Variants in RNASEH2A observed in about 807,000 individuals in gnomAD.
RNASEH2A encodes RNase H(35).
Under a neutral mutation model 32.7 loss-of-function variants are expected in RNASEH2A, and 30 were observed. The ratio of observed to expected loss-of-function variants is 0.92; its 90% CI spans 0.69 to 1.25. The LOEUF is 1.25. Ranked by LOEUF, RNASEH2A falls within the 50% of genes most tolerant of loss-of-function variation. The pLI, the probability that RNASEH2A is intolerant of heterozygous loss-of-function variation, is 0.00. For synonymous variants in RNASEH2A, 147 were observed against 165.4 expected, an observed-to-expected ratio of 0.89 and a Z score of 0.86; for missense variants, 409 against 398.1, an observed-to-expected ratio of 1.03 and a Z score of -0.23.
chr19:12,813,124 G>A lies in RNASEH2A; in HGVS notation c.679G>A (p.Val227Met). Residue 227 changes from valine (V) to methionine (M), a missense_variant, in exon 7 of 8, where the codon GTG (valine) becomes ATG (methionine). By Grantham distance (21) the Val-to-Met change is conservative. Coordinates refer to ENST00000221486, the MANE Select transcript of RNASEH2A (RefSeq NM_006397.3). ...KAWLKEHVEP[V>M]FGFPQFVRFS... ...GTGGTTGAAGGAGCACGTGGAGCCT[G>A]TGTTCGGCTTCCCCCAGTTTGTCCG... The A allele has an allele frequency of 6.2e-7, 1 of 1,614,136 alleles. No homozygotes were observed. Among genetic ancestry groups the A allele is most frequent in the Non-Finnish European group, 8.5e-7 (1 of 1,180,028 alleles).
In RNASEH2A at chr19:12,807,335, G is replaced by T. The variant is rs747327004; in HGVS notation, c.323+6G>T. ...TCTACCAGCATGCTTGGGCGGTGAG[G>T]GGTCCCCGGGAGGGGCAGCCAGCAT... On this transcript the variant is annotated splice_donor_region_variant and intron_variant, in intron 3 of 7. Coordinates refer to ENST00000221486, the MANE Select transcript of RNASEH2A (RefSeq NM_006397.3). 6.2e-7 allele frequency: 1 copy of T among 1,614,150 alleles called. No individual in the cohort carries two copies. Among genetic ancestry groups the T allele is most frequent in the Non-Finnish European group, 8.5e-7 (1 of 1,180,022 alleles).
intron 4 of RNASEH2A, among the ~76,000 whole-genome samples, chr19:12,808,287 T>G (rs1969025928): frequency 6.6e-6 from 1 of 151,708 alleles, no homozygotes; most frequent in Non-Finnish European, 1.5e-5. Flanking sequence ...GGCAAAAATG[T>G]GCAGTGTGCA....
Position 12,807,454 on chromosome 19 carries a change from C to T in RNASEH2A, c.359C>T (p.Thr120Ile), listed in dbSNP as rs1288755006. Residue 120 changes from threonine to isoleucine, a missense_variant, in exon 4 of 8, where the codon ACA becomes ATA. Transcript: ENST00000221486. ...AACCTGAACTCCCTGTCACATGATA[C>T]AGCCACTGGGCTTATACAGTATGCA... The part of the protein sequence containing the change: ...KYNLNSLSHD[T>I]ATGLIQYALD... 3 of 1,614,092 alleles carry T rather than the reference C, an allele frequency of 1.9e-6. No homozygotes were observed. In the African/African-American group the frequency reaches 4.0e-5, roughly 22 times the overall value.
rs1969013336 is a variant in RNASEH2A, at chr19:12,807,586, G to A, written c.411+80G>A. On this transcript the variant is annotated intron_variant, in intron 4 of 7. Coordinates refer to ENST00000221486, the MANE Select transcript of RNASEH2A (RefSeq NM_006397.3). ...AAACAGGAGTTCGAGACTGCAGTGA[G>A]CCATGATCATGCCACAGCACTCCAT... 5.1e-6 allele frequency: 6 copies of A among 1,172,414 alleles called. No individual in the cohort carries two copies. The South Asian group carries it at 7.5e-5, about 15-fold the overall frequency. 72.6% of individuals were successfully genotyped at this position (1,172,414 alleles called of 1,614,324 possible). A position where few individuals can be genotyped will look rare whatever the true frequency, so the allele number is the denominator to read the frequency against.
chr19:12,809,262 AAAAAT>A (rs1335120791), intron 4 of RNASEH2A, among the ~76,000 whole-genome samples: 1 of 152,240 alleles, frequency 6.6e-6, no homozygotes, highest in Non-Finnish European at 1.5e-5. Flanking sequence ...CTGGTAAACA[AAAAAT>A]AAAGGTTGTT....
In RNASEH2A at chr19:12,806,988, C is replaced by T. The variant is rs1315500297; in HGVS notation, c.128-20C>T. 16 of 1,612,848 alleles carry T rather than the reference C, an allele frequency of 9.9e-6. No individual in the cohort carries two copies. Among genetic ancestry groups the T allele is most frequent in the Non-Finnish European group, 1.4e-5 (16 of 1,179,900 alleles). On this transcript the variant is annotated intron_variant, in intron 1 of 7. Coordinates refer to ENST00000221486, the MANE Select transcript of RNASEH2A (RefSeq NM_006397.3). ...TGATTGGACCCCGGCTGCCAGAAAA[C>T]TGACACCCCTTCTCCCCAGGCCCCA...
chr19:12,813,401 G>A lies in RNASEH2A; in HGVS notation c.835G>A (p.Ala279Thr), dbSNP rs1323317115. Residue 279 changes from alanine to threonine, a missense_variant, in exon 8 of 8, where the codon GCC (alanine) becomes ACC (threonine). By Grantham distance (58) the Ala-to-Thr change is moderately conservative (BLOSUM62 0). Transcript: ENST00000221486. ...CTACTTCCTCAATGAAGGGTCCCAAGCCCGTCCCCGTTCTTCCCACCGATA... is the reference window on the plus strand; with the variant it reads ...CTACTTCCTCAATGAAGGGTCCCAAACCCGTCCCCGTTCTTCCCACCGATA... Reference protein sequence around the residue: ...TSYFLNEGSQARPRSSHRYFL... With the variant: ...TSYFLNEGSQTRPRSSHRYFL... The A allele has an allele frequency of 2.5e-6, 4 of 1,614,002 alleles. No homozygotes were observed. The highest frequency in any genetic ancestry group is 1.3e-5 in the African/African-American group (1 of 74,922).
intron 2 of RNASEH2A, 52 bp downstream of exon 2, chr19:12,807,131 C>T (rs771416321): frequency 6.2e-7 from 1 of 1,614,054 alleles, no homozygotes; most frequent in Non-Finnish European, 8.5e-7. Flanking sequence ...TGTGCAGGGG[C>T]AGGTGAGAAC....
Position 12,806,653 on chromosome 19 carries a change from G to T in RNASEH2A, c.-21G>T. 6.4e-7 allele frequency: 1 copy of T among 1,571,834 alleles called. No individual in the cohort carries two copies. The highest frequency in any genetic ancestry group is 8.6e-7 in the Non-Finnish European group (1 of 1,158,328). On this transcript the variant is annotated 5_prime_UTR_variant, in exon 1 of 8. Transcript: ENST00000221486. ...TCCTGCAGTATTAGTTCTTGCAGCT[G>T]GTGGTGGCGGCTGAGGCGGCATGGA...
rs779298565 is a variant in RNASEH2A, at chr19:12,806,707, G to A, written c.34G>A (p.Gly12Ser). Residue 12 changes from glycine to serine, a missense_variant, in exon 1 of 8, where the codon GGC (glycine) becomes AGC (serine). Gly to Ser is a moderately conservative substitution (Grantham distance 56). Transcript: ENST00000221486. ...DLSELERDNT[G>S]RCRLSSPVPA... ...CAGCGAGCTGGAGAGAGACAATACA[G>A]GCCGCTGTCGCCTGAGTTCGCCTGT... 2.5e-6 allele frequency: 4 copies of A among 1,570,122 alleles called. No individual in the cohort carries two copies. The African/African-American group carries it at 5.4e-5, about 21-fold the overall frequency.
rs1363753811 is a variant in RNASEH2A, at chr19:12,813,211, G to A, written c.761+5G>A. ...AGAGGCGGAAGATGTTATATGGTGGGTGTCATGGATGTCCTGGGGGTGCTA... is the reference window on the plus strand; with the variant it reads ...AGAGGCGGAAGATGTTATATGGTGGATGTCATGGATGTCCTGGGGGTGCTA... On this transcript the variant is annotated splice_donor_5th_base_variant and intron_variant, in intron 7 of 7. Coordinates refer to ENST00000221486, the MANE Select transcript of RNASEH2A (RefSeq NM_006397.3). 6.2e-7 allele frequency: 1 copy of A among 1,613,916 alleles called. No individual in the cohort carries two copies. Among genetic ancestry groups the A allele is most frequent in the African/African-American group, 1.3e-5 (1 of 74,912 alleles).
chr19:12,806,606 G>T lies in RNASEH2A; in HGVS notation c.-68G>T. 1 of 1,548,786 alleles carries T rather than the reference G, an allele frequency of 6.5e-7. No homozygotes were observed. Among genetic ancestry groups the T allele is most frequent in the Non-Finnish European group, 8.7e-7 (1 of 1,145,162 alleles). ...AGCAGGCGCCGCTTCGAGGCCCGCGGAAAACGCGCGCCGAGACCCGCTCCT... is the reference window on the plus strand; with the variant it reads ...AGCAGGCGCCGCTTCGAGGCCCGCGTAAAACGCGCGCCGAGACCCGCTCCT... On this transcript the variant is annotated 5_prime_UTR_variant, in exon 1 of 8. Coordinates refer to ENST00000221486, the MANE Select transcript of RNASEH2A (RefSeq NM_006397.3).
At position 12,812,935 on chromosome 19, in the gene RNASEH2A, G is replaced by A. The variant is rs1021537488; in HGVS notation, c.638-148G>A. 4 of 1,070,856 alleles carry A rather than the reference G, an allele frequency of 3.7e-6. No homozygotes were observed. The Admixed American group carries it at 6.0e-5, about 16-fold the overall frequency. The allele number at this position is 1,070,856 out of a possible 1,614,324, so 66.3% of individuals were successfully genotyped here. On this transcript the variant is annotated intron_variant, in intron 6 of 7. Transcript: ENST00000221486. The stretch of plus-strand genomic sequence containing the variant: ...CAGGAGAATCGCTTGAATCCGGGAG[G>A]TGGAGGTTGCAGTGAGCTGAGATCG...
At chr19:12,811,688 C>T (rs1353476441) in intron 6 of RNASEH2A, among the ~76,000 whole-genome samples, 5 of 151,390 alleles carry the variant, frequency 3.3e-5, no homozygotes, top group East Asian at 3.9e-4. Context: ...GAGGCTGAGG[C>T]AGGTGGATCC....
chr19:12,812,915 G>T (rs1045203923), intron 6 of RNASEH2A, among the ~76,000 whole-genome samples, 168 bp from the exon 7 acceptor site: 14 of 152,120 alleles, frequency 9.2e-5, no homozygotes, highest in African/African-American at 3.4e-4. Context: ...TGAGGCAGGA[G>T]AATCGCTTGA....
intron 6 of RNASEH2A, 150 bp from the exon 7 acceptor site, chr19:12,812,933 A>C: frequency 2.9e-6 from 3 of 1,036,564 alleles, no homozygotes; most frequent in South Asian, 2.7e-5. Flanking sequence ...TGAATCCGGG[A>C]GGTGGAGGTT....
rs762934652 is a variant in RNASEH2A, at chr19:12,807,431, C to CCTGAA, written c.339_343dup (p.Ser115Ter). ...TTCCCCACCACAGGGTCAAATACAA[C>CCTGAA]CTGAACTCCCTGTCACATGATACAG... On this transcript the variant is annotated frameshift_variant, in exon 4 of 8. Transcript: ENST00000221486. LOFTEE classifies it high-confidence loss of function. 4 of 1,614,186 alleles carry CCTGAA rather than the reference C, an allele frequency of 2.5e-6. No individual in the cohort carries two copies. The highest frequency in any genetic ancestry group is 3.4e-6 in the Non-Finnish European group (4 of 1,180,038).
At chr19:12,807,819 C>G (rs1309841113) in intron 4 of RNASEH2A, 7 of 381,026 alleles carry the variant, frequency 1.8e-5, no homozygotes, top group Admixed American at 3.7e-5. Context: ...GTAATCCTAG[C>G]TACTCAGGAG....
chr19:12,812,499 T>TA, intron 6 of RNASEH2A, among the ~76,000 whole-genome samples: 1 of 152,160 alleles, frequency 6.6e-6, no homozygotes, highest in Middle Eastern at 3.4e-3. Context: ...ACCATTGCAC[T>TA]ACAGCCTGGG....
Sources: gnomAD v4.1 joint callset for allele counts (sites outside exome capture counted in the v4.1 genomes callset) on GRCh38, gnomAD v4.1.1 for gene constraint, MANE v1.5 for transcripts, NCBI Gene and HGNC (gene_info 2026-07-23, HGNC 2026-07-21) for gene names.